Variants in SHOX observed in about 807,000 individuals in gnomAD.
SHOX encodes the protein SHOX homeobox.
SHOX carries 12 observed loss-of-function variants against 29.6 expected under a neutral mutation model. The ratio of observed to expected loss-of-function variants is 0.41; its 90% confidence interval spans 0.26 to 0.66. SHOX has a LOEUF of 0.66. Among genes scored for constraint, SHOX ranks in the 30% least tolerant of loss-of-function variants. The pLI, the probability that SHOX is intolerant of heterozygous loss-of-function variation, is 0.35. For synonymous variants in SHOX, 214 were observed against 200.6 expected, an observed-to-expected ratio of 1.07 and a Z score of -0.57; for missense variants, 499 against 437.7, an observed-to-expected ratio of 1.14 and a Z score of -1.25.
intron 4 of SHOX, among the ~76,000 whole-genome samples, chrX:641,747 C>T (rs1259646872): frequency 1.3e-5 from 2 of 151,084 alleles, no homozygotes; most frequent in African/African-American, 2.4e-5. Context: ...TGAACACACA[C>T]AAGCCCAAAC....
In SHOX at chrX:641,068, T is replaced by C. The variant is rs765818786; in HGVS notation, c.614T>C (p.Leu205Ser). ...RVAPYVNMGALRMPFQQVQAQ... is the reference protein window; with the variant it reads ...RVAPYVNMGASRMPFQQVQAQ... ...GCACCCTACGTCAACATGGGAGCCT[T>C]ACGGATGCCTTTCCAACAGGTAGCT... Residue 205 changes from leucine (L) to serine (S), a missense_variant, in exon 4 of 5, where the codon TTA becomes TCA. Transcript: ENST00000686671. 6.8e-6 allele frequency: 11 copies of C among 1,613,820 alleles called. No homozygotes were observed. Among genetic ancestry groups the C allele is most frequent in the Non-Finnish European group, 9.3e-6 (11 of 1,179,826 alleles).
rs1168884449 is a variant in SHOX at position 651,248 on chromosome X, G to T, written c.*6612G>T. ...TTCCCTCCCCCATTGACGACATAGC[G>T]GCCCCCGCGTCCGGGTTACAAATAC... On this transcript the variant is annotated 3_prime_UTR_variant, in exon 5 of 5. Coordinates refer to ENST00000686671, the MANE Select transcript of SHOX (RefSeq NM_000451.4). The T allele has an allele frequency of 4.4e-6, 2 of 451,656 alleles. No individual in the cohort carries two copies. Among genetic ancestry groups the T allele is most frequent in the Non-Finnish European group, 8.9e-6 (2 of 224,684 alleles). 28.0% of individuals were successfully genotyped at this position (451,656 alleles called of 1,614,324 possible). A position where few individuals can be genotyped will look rare whatever the true frequency, so the allele number is the denominator to read the frequency against.
chrX:624,837 T>C (rs2052478846), intron 1 of SHOX, among the ~76,000 whole-genome samples: 1 of 144,032 alleles, frequency 6.9e-6, no homozygotes, highest in South Asian at 2.3e-4. Context: ...TTTCCTTCCT[T>C]CCTTCCTCTC....
At chrX:653,215 T>A (rs1422253020), downstream of SHOX, among the ~76,000 whole-genome samples, 4 of 152,158 alleles carry the variant, frequency 2.6e-5, no homozygotes, top group African/African-American at 4.8e-5. Flanking sequence ...CACTCCAGCC[T>A]GGGCGACAGA....
chrX:651,395 A>T lies in SHOX; in HGVS notation c.*6759A>T. ...CGGCAGGCGGTGAGGGGTAGAAAAA[A>T]AACAAACAAACAAACAGAAAAAAAA... On this transcript the variant is annotated 3_prime_UTR_variant, in exon 5 of 5. Coordinates refer to ENST00000686671, the MANE Select transcript of SHOX (RefSeq NM_000451.4). The T allele has an allele frequency of 2.3e-6, 1 of 435,984 alleles. No homozygotes were observed. The highest frequency in any genetic ancestry group is 3.3e-4 in the Middle Eastern group (1 of 3,040). The allele number at this position is 435,984 out of a possible 1,614,324, so 27.0% of individuals were successfully genotyped here.
In SHOX at chrX:644,646, C is replaced by A. The variant is rs1271979849; in HGVS notation, c.*10C>A. 3.4e-6 allele frequency: 5 copies of A among 1,452,972 alleles called. No homozygotes were observed. In the South Asian group the frequency reaches 5.5e-5, roughly 16 times the overall value. 90.0% of individuals were successfully genotyped at this position (1,452,972 alleles called of 1,614,324 possible). A position where few individuals can be genotyped will look rare whatever the true frequency, so the allele number is the denominator to read the frequency against. On this transcript the variant is annotated 3_prime_UTR_variant, in exon 5 of 5. Coordinates refer to ENST00000686671, the MANE Select transcript of SHOX (RefSeq NM_000451.4). ...GGCCCTGGGGCTCTGACCCGCCGCG[C>A]AGCCCCCCGCGCGCCCGGACTCCCG... is the stretch of plus-strand genomic sequence containing the variant.
intron 2 of SHOX, among the ~76,000 whole-genome samples, chrX:636,881 G>A (rs910861823): frequency 2.7e-5 from 4 of 145,568 alleles, no homozygotes; most frequent in Admixed American, 7.0e-5. Context: ...TTCCATCGAT[G>A]TTGCTTAGGA....
rs1228268166 is a variant in SHOX at position 640,823 on chromosome X, T to G, written c.489T>G (p.Val163=). ...ATCTCTCTCTGCTTCTCCCCAAGGT[T>G]TGGTTCCAGAACCGGAGAGCCAAGT... is the stretch of plus-strand genomic sequence containing the variant. ...RLGLSEARVQ[V]WFQNRRAKCR... is the part of the protein sequence containing the mutation. Residue 163 remains valine, a splice_region_variant and synonymous_variant, in exon 3 of 5, where the codon GTT becomes GTG. Transcript: ENST00000686671. The G allele has an allele frequency of 6.2e-7, 1 of 1,613,830 alleles. No homozygotes were observed. Among genetic ancestry groups the G allele is most frequent in the East Asian group, 2.2e-5 (1 of 44,864 alleles).
At chrX:651,650 A>G (rs2124213481), downstream of SHOX, among the ~76,000 whole-genome samples, 1 of 151,374 alleles carries the variant, frequency 6.6e-6, no homozygotes, top group South Asian at 2.1e-4. Flanking sequence ...GGAAAAAAAA[A>G]AAAAAAAAAA....
At chrX:626,760 C>T (rs28628346), upstream of SHOX, among the ~76,000 whole-genome samples, 28,602 of 143,942 alleles carry the variant, frequency 0.2, 2,340 homozygotes, top group Middle Eastern at 0.3. Context: ...ACCTCTGTCT[C>T]TCTTTCTCTC....
At chrX:624,808 T>C (rs1394414479) in intron 1 of SHOX, among the ~76,000 whole-genome samples, 2 of 147,812 alleles carry the variant, frequency 1.4e-5, no homozygotes, top group Admixed American at 6.7e-5. Flanking sequence ...AAGCTTTGCC[T>C]TCTTTCCTTC....
chrX:638,045 ACTGT>A (rs1223355232), intron 2 of SHOX, among the ~76,000 whole-genome samples: 1 of 152,142 alleles, frequency 6.6e-6, no homozygotes, highest in Non-Finnish European at 1.5e-5. Flanking sequence ...GTCATTATTC[ACTGT>A]CTGTAATGGA....
intron 4 of SHOX, 62 bp from the exon 5 acceptor site, chrX:644,329 G>T (rs2052924165): frequency 6.8e-7 from 1 of 1,463,760 alleles, no homozygotes; most frequent in East Asian, 2.8e-5. Context: ...CGGGGGCGCG[G>T]GGCGGAGCAG....
At chrX:635,304 T>C (rs373464689) in intron 2 of SHOX, among the ~76,000 whole-genome samples, 2 of 151,280 alleles carry the variant, frequency 1.3e-5, no homozygotes, top group Admixed American at 1.3e-4. Context: ...ATTTTTCATT[T>C]AAAAAAAAAT....
intron 2 of SHOX, among the ~76,000 whole-genome samples, chrX:639,253 G>A (rs995488929): frequency 3.3e-5 from 5 of 152,178 alleles, no homozygotes; most frequent in African/African-American, 4.8e-5. Flanking sequence ...GGGGCAGAAT[G>A]CCCCCACCAC....
intron 2 of SHOX, among the ~76,000 whole-genome samples, chrX:638,440 T>C (rs1029663398): frequency 1.1e-4 from 16 of 152,050 alleles, no homozygotes; most frequent in African/African-American, 3.9e-4. Flanking sequence ...GCAGGTCACC[T>C]GGATGGTCAG....
chrX:634,494 G>C (rs1455815031), intron 1 of SHOX, 124 bp from the exon 2 acceptor site: 5 of 1,045,798 alleles, frequency 4.8e-6, no homozygotes, highest in South Asian at 1.3e-5. Context: ...ACCCCACGCA[G>C]TTTTTGCGTC....
chrX:628,533 A>C (rs1366052375), upstream of SHOX, among the ~76,000 whole-genome samples: 21 of 32,422 alleles, frequency 6.5e-4, no homozygotes, highest in Admixed American at 1.2e-3. Context: ...CTCTCTCTCC[A>C]TCTGTCTGTC....
At chrX:638,143 T>C (rs1271365556) in intron 2 of SHOX, among the ~76,000 whole-genome samples, 1 of 152,174 alleles carries the variant, frequency 6.6e-6, no homozygotes, top group Non-Finnish European at 1.5e-5. Flanking sequence ...TTAAGCAGTG[T>C]CACACACTTC....
Sources: gnomAD v4.1 joint callset for allele counts (sites outside exome capture counted in the v4.1 genomes callset) on GRCh38, gnomAD v4.1.1 for gene constraint, MANE v1.5 for transcripts, NCBI Gene and HGNC (gene_info 2026-07-23, HGNC 2026-07-21) for gene names.